EME2: variants seen among roughly 807,000 people sequenced by gnomAD.
EME2 encodes structure-specific endonuclease subunit EME2.
A neutral mutation model predicts 41.9 loss-of-function variants in EME2; 58 were observed. That is an observed-to-expected ratio of 1.38 (90% CI 1.12 to 1.72). The LOEUF (loss-of-function observed/expected upper bound fraction) is 1.72, where lower values mean the gene tolerates loss of function less well. Among genes scored for constraint, EME2 ranks in the 40% most tolerant of loss-of-function variants. The pLI, the probability that EME2 is intolerant of heterozygous loss-of-function variation, is 0.00. For synonymous variants in EME2, 334 were observed against 239.3 expected, an observed-to-expected ratio of 1.40 and a Z score of -3.65; for missense variants, 695 against 541.9, an observed-to-expected ratio of 1.28 and a Z score of -2.81.
At chr16:1,774,807 C>T in intron 3 of EME2, 1 of 592,932 alleles carries the variant, frequency 1.7e-6, no homozygotes, top group East Asian at 2.8e-5. Context: ...GGATGAGGGG[C>T]TCAATGGAAC....
chr16:1,776,978 T>A lies in EME2; in HGVS notation c.*740T>A. 8.4e-7 allele frequency: 1 copy of A among 1,190,088 alleles called. No homozygotes were observed. Among genetic ancestry groups the A allele is most frequent in the Non-Finnish European group, 1.2e-6 (1 of 854,236 alleles). The allele number at this position is 1,190,088 out of a possible 1,614,324, so 73.7% of individuals were successfully genotyped here. A position where few individuals can be genotyped will look rare whatever the true frequency, so the allele number is the denominator to read the frequency against. On this transcript the variant is annotated 3_prime_UTR_variant, in exon 8 of 8. Coordinates refer to ENST00000568449, the MANE Select transcript of EME2 (RefSeq NM_001257370.2). ...GCCTCGGGAGCAAGAGATGGCTCCCTCCGGACGGGCCTCATCCAACTCCGC... is the reference window on the plus strand; with the variant it reads ...GCCTCGGGAGCAAGAGATGGCTCCCACCGGACGGGCCTCATCCAACTCCGC...
In EME2 at chr16:1,774,327, T is replaced by C. The variant is rs776419353; in HGVS notation, c.452T>C (p.Leu151Pro). The change falls in exon 3 of 8, where the codon CTG (leucine) becomes CCG (proline). Residue 151 changes from leucine to proline, a missense_variant. Coordinates refer to ENST00000568449, the MANE Select transcript of EME2 (RefSeq NM_001257370.2). ...CTGCTGCTGGAGCCCGAGGAGTTTC[T>C]GCAGGGCGTCGCCACACTGACCCAG... ...LLLLLEPEEFLQGVATLTQIS... is the reference protein window; with the variant it reads ...LLLLLEPEEFPQGVATLTQIS... 1 of 1,612,782 alleles carries C rather than the reference T, an allele frequency of 6.2e-7. No homozygotes were observed. The highest frequency in any genetic ancestry group is 8.5e-7 in the Non-Finnish European group (1 of 1,179,918).
chr16:1,775,614 G>C lies in EME2; in HGVS notation c.709G>C (p.Val237Leu). 3 of 1,612,904 alleles carry C rather than the reference G, an allele frequency of 1.9e-6. No individual in the cohort carries two copies. Among genetic ancestry groups the C allele is most frequent in the Non-Finnish European group, 2.5e-6 (3 of 1,180,014 alleles). ...CTGGGCAAACCTGGACGTGCTACTG[G>C]TGGCCTCTTGGCAGGAGCTGAGTCG... The part of the protein sequence containing the change: ...QLWANLDVLL[V>L]ASWQELSRHV... Residue 237 changes from valine to leucine, a missense_variant, in exon 6 of 8, where the codon GTG (valine) becomes CTG (leucine). Transcript: ENST00000568449.
chr16:1,779,685 CG>C lies in EME2; in HGVS notation c.*3450del, dbSNP rs1276634271. 1 of 152,414 alleles carries C rather than the reference CG, an allele frequency of 6.6e-6. No homozygotes were observed. The highest frequency in any genetic ancestry group is 1.9e-4 in the East Asian group (1 of 5,196). The allele number at this position is 152,414 out of a possible 1,614,324, so 9.4% of individuals were successfully genotyped here. On this transcript the variant is annotated 3_prime_UTR_variant, in exon 8 of 8. Transcript: ENST00000568449. The stretch of plus-strand genomic sequence containing the variant: ...AGCACCTGCACTGCAGGCCCAGGGC[CG>C]GGTTCCCTGGAGAAGGAGAAAGACT...
chr16:1,781,505 A>G lies in EME2; in HGVS notation c.*5267A>G. 6.2e-7 allele frequency: 1 copy of G among 1,609,704 alleles called. No homozygotes were observed. ...CCATGGTGGAAAGAATCTAGAAGAA[A>G]ACACAGGCTCTGGGCAAAGGAAGAC... On this transcript the variant is annotated 3_prime_UTR_variant, in exon 8 of 8. Coordinates refer to ENST00000568449, the MANE Select transcript of EME2 (RefSeq NM_001257370.2).
chr16:1,777,015 G>A lies in EME2; in HGVS notation c.*777G>A, dbSNP rs760792167. 63 of 1,488,534 alleles carry A rather than the reference G, an allele frequency of 4.2e-5. No individual in the cohort carries two copies. Among genetic ancestry groups the A allele is most frequent in the Non-Finnish European group, 5.4e-5 (59 of 1,098,428 alleles). The allele number at this position is 1,488,534 out of a possible 1,614,324, so 92.2% of individuals were successfully genotyped here. A position where few individuals can be genotyped will look rare whatever the true frequency, so the allele number is the denominator to read the frequency against. On this transcript the variant is annotated 3_prime_UTR_variant, in exon 8 of 8. Transcript: ENST00000568449. The stretch of plus-strand genomic sequence containing the variant: ...TCATCCAACTCCGCCCTGGAGTGTG[G>A]CTGGAAGGAAGGGACAGAGAAAGAA...
At chr16:1,773,988 A>G in intron 2 of EME2, 147 bp downstream of exon 2, 2 of 1,141,184 alleles carry the variant, frequency 1.8e-6, no homozygotes, top group Non-Finnish European at 2.4e-6. Context: ...CGGGAAGTGG[A>G]GGTGCCCAAG....
Position 1,778,643 on chromosome 16 carries a change from G to A in EME2, c.*2405G>A, listed in dbSNP as rs755321773. 2.0e-6 allele frequency: 3 copies of A among 1,524,034 alleles called. No homozygotes were observed. The highest frequency in any genetic ancestry group is 2.6e-6 in the Non-Finnish European group (3 of 1,137,090). The allele number at this position is 1,524,034 out of a possible 1,614,324, so 94.4% of individuals were successfully genotyped here. A position where few individuals can be genotyped will look rare whatever the true frequency, so the allele number is the denominator to read the frequency against. ...AGAGAAGGGCCGGCTGTTACTACCT[G>A]TTGCCCGCTCTCTACCCTCTCACCC... On this transcript the variant is annotated 3_prime_UTR_variant, in exon 8 of 8. Transcript: ENST00000568449.
chr16:1,781,596 G>A lies in EME2; in HGVS notation c.*5358G>A, dbSNP rs577166570. ...GACCCACTCAAAGTGGGGACTGCAGGGGCCGCACCGGTGCCCAGCCAGGGC... is the reference window on the plus strand; with the variant it reads ...GACCCACTCAAAGTGGGGACTGCAGAGGCCGCACCGGTGCCCAGCCAGGGC... On this transcript the variant is annotated 3_prime_UTR_variant, in exon 8 of 8. Coordinates refer to ENST00000568449, the MANE Select transcript of EME2 (RefSeq NM_001257370.2). 22 of 1,291,510 alleles carry A rather than the reference G, an allele frequency of 1.7e-5. No homozygotes were observed. The South Asian group carries it at 3.1e-4, about 18-fold the overall frequency. 80.0% of individuals were successfully genotyped at this position (1,291,510 alleles called of 1,614,324 possible). A position where few individuals can be genotyped will look rare whatever the true frequency, so the allele number is the denominator to read the frequency against.
intron 2 of EME2, among the ~76,000 whole-genome samples, chr16:1,774,050 C>T (rs1237545902): frequency 6.6e-6 from 1 of 152,246 alleles, no homozygotes; most frequent in African/African-American, 2.4e-5. Flanking sequence ...CGTCTCGATT[C>T]AGGCTGTGGT....
At position 1,775,982 on chromosome 16, in the gene EME2, A is replaced by G. The variant is rs1219195896; in HGVS notation, c.965A>G (p.Gln322Arg). 4 of 1,608,550 alleles carry G rather than the reference A, an allele frequency of 2.5e-6. No homozygotes were observed. Among genetic ancestry groups the G allele is most frequent in the Non-Finnish European group, 3.4e-6 (4 of 1,179,052 alleles). ...VTAFPSPRLL[Q>R]QALEACSTER... is the part of the protein sequence containing the mutation. The stretch of plus-strand genomic sequence containing the variant: ...GCCTTCCCCTCCCCCCGCCTTCTGC[A>G]GCAGGTGGGCCCCTGCCTCCTCCAA... Residue 322 changes from glutamine (Q) to arginine (R), a missense_variant, in exon 7 of 8, where the codon CAG becomes CGG. Gln to Arg is a conservative substitution (Grantham distance 43). Coordinates refer to ENST00000568449, the MANE Select transcript of EME2 (RefSeq NM_001257370.2).
rs1272454854 is a variant in EME2 at position 1,778,682 on chromosome 16, C to T, written c.*2444C>T. On this transcript the variant is annotated 3_prime_UTR_variant, in exon 8 of 8. Coordinates refer to ENST00000568449, the MANE Select transcript of EME2 (RefSeq NM_001257370.2). ...ACCCTCTCACCCTTGCCCTCTGTCC[C>T]TGTCCCACCCTGTCCCTGACCCACC... 2 of 1,472,436 alleles carry T rather than the reference C, an allele frequency of 1.4e-6. No homozygotes were observed. The highest frequency in any genetic ancestry group is 2.8e-5 in the African/African-American group (2 of 70,954). 91.2% of individuals were successfully genotyped at this position (1,472,436 alleles called of 1,614,324 possible).
intron 2 of EME2, 76 bp downstream of exon 2, chr16:1,773,917 C>T (rs1334675825): frequency 2.7e-6 from 4 of 1,459,692 alleles, no homozygotes; most frequent in Admixed American, 2.4e-5. Flanking sequence ...CTGGAGCTGT[C>T]CCTGAGGCAG....
Position 1,779,076 on chromosome 16 carries a change from G to C in EME2, c.*2838G>C, listed in dbSNP as rs1196890201. On this transcript the variant is annotated 3_prime_UTR_variant, in exon 8 of 8. Coordinates refer to ENST00000568449, the MANE Select transcript of EME2 (RefSeq NM_001257370.2). ...ACCTTCCTGTTACCTGAGCAGACCTGGCTCACCACAGGGTCCTACTGCCCA... is the reference window on the plus strand; with the variant it reads ...ACCTTCCTGTTACCTGAGCAGACCTCGCTCACCACAGGGTCCTACTGCCCA... 1 of 158,640 alleles carries C rather than the reference G, an allele frequency of 6.3e-6. No homozygotes were observed. Among genetic ancestry groups the C allele is most frequent in the Admixed American group, 6.4e-5 (1 of 15,530 alleles). The allele number at this position is 158,640 out of a possible 1,614,324, so 9.8% of individuals were successfully genotyped here.
chr16:1,781,022 A>G lies in EME2; in HGVS notation c.*4784A>G. ...TGCTAGGATTATAGGTGTGAGCCAC[A>G]GTGCCCAGCCCCGTAGTGGAGAATT... On this transcript the variant is annotated 3_prime_UTR_variant, in exon 8 of 8. Coordinates refer to ENST00000568449, the MANE Select transcript of EME2 (RefSeq NM_001257370.2). 1 of 570,916 alleles carries G rather than the reference A, an allele frequency of 1.8e-6. No homozygotes were observed. The highest frequency in any genetic ancestry group is 2.8e-6 in the Non-Finnish European group (1 of 359,880). The allele number at this position is 570,916 out of a possible 1,614,324, so 35.4% of individuals were successfully genotyped here. A position where few individuals can be genotyped will look rare whatever the true frequency, so the allele number is the denominator to read the frequency against.
In EME2 at chr16:1,777,173, G is replaced by T; in HGVS notation, c.*935G>T. On this transcript the variant is annotated 3_prime_UTR_variant, in exon 8 of 8. Coordinates refer to ENST00000568449, the MANE Select transcript of EME2 (RefSeq NM_001257370.2). ...GGGGTGGGCGGAGGTCGCTGCCTGG[G>T]GATCGGACACTGGAGCCTTGCGGCG... 1 of 1,610,986 alleles carries T rather than the reference G, an allele frequency of 6.2e-7. No individual in the cohort carries two copies. Among genetic ancestry groups the T allele is most frequent in the Non-Finnish European group, 8.5e-7 (1 of 1,179,868 alleles).
rs1896659479 is a variant in EME2 at position 1,779,954 on chromosome 16, T to A, written c.*3716T>A. ...CTCAGGACGGCCCCCACCCGGTGGG[T>A]AAGGACCCTGTTTCCCAATTTGCCC... On this transcript the variant is annotated 3_prime_UTR_variant, in exon 8 of 8. Coordinates refer to ENST00000568449, the MANE Select transcript of EME2 (RefSeq NM_001257370.2). The A allele has an allele frequency of 6.6e-6, 1 of 152,062 alleles. No homozygotes were observed. Among genetic ancestry groups the A allele is most frequent in the South Asian group, 2.1e-4 (1 of 4,828 alleles). The allele number at this position is 152,062 out of a possible 1,614,324, so 9.4% of individuals were successfully genotyped here.
Position 1,777,546 on chromosome 16 carries a change from C to T in EME2, c.*1308C>T. 7.3e-7 allele frequency: 1 copy of T among 1,368,376 alleles called. No individual in the cohort carries two copies. The highest frequency in any genetic ancestry group is 9.7e-7 in the Non-Finnish European group (1 of 1,033,358). The allele number at this position is 1,368,376 out of a possible 1,614,324, so 84.8% of individuals were successfully genotyped here. A position where few individuals can be genotyped will look rare whatever the true frequency, so the allele number is the denominator to read the frequency against. Reference sequence around the variant, plus strand: ...TACAGTCACCCGGGTGGGCAGCTGGCACAGCTGAGGCAAGGCAGGGTGCAC... The same window carrying T: ...TACAGTCACCCGGGTGGGCAGCTGGTACAGCTGAGGCAAGGCAGGGTGCAC... On this transcript the variant is annotated 3_prime_UTR_variant, in exon 8 of 8. Coordinates refer to ENST00000568449, the MANE Select transcript of EME2 (RefSeq NM_001257370.2).
intron 1 of EME2, 30 bp downstream of exon 1, chr16:1,773,504 G>T: frequency 6.4e-7 from 1 of 1,572,746 alleles, no homozygotes; most frequent in Non-Finnish European, 8.6e-7. Flanking sequence ...CGATACTCGG[G>T]GTAGGAAAGG....
Sources: gnomAD v4.1 joint callset for allele counts (sites outside exome capture counted in the v4.1 genomes callset) on GRCh38, gnomAD v4.1.1 for gene constraint, MANE v1.5 for transcripts, NCBI Gene and HGNC (gene_info 2026-07-23, HGNC 2026-07-21) for gene names.